Variants in RBPMS observed in about 807,000 individuals in gnomAD.
RBPMS encodes the protein RNA binding protein, mRNA processing factor, also known as RNA-binding protein with multiple splicing.
Under a neutral mutation model 26.8 loss-of-function variants are expected in RBPMS, and 7 were observed. That is an observed-to-expected ratio of 0.26 (90% CI 0.15 to 0.49). The LOEUF is 0.49. Ranked by LOEUF, RBPMS falls within the 20% of genes least tolerant of loss-of-function variation. The probability of loss-of-function intolerance (pLI) is 0.98; values close to 1 mark genes in which losing one functional copy is unlikely to be tolerated. For synonymous variants in RBPMS, 96 were observed against 93.3 expected, an observed-to-expected ratio of 1.03 and a Z score of -0.17; for missense variants, 186 against 250.0, an observed-to-expected ratio of 0.74 and a Z score of 1.73.
At chr8:30,505,416 A>C (rs1304305544) in intron 5 of RBPMS, among the ~76,000 whole-genome samples, 1 of 152,206 alleles carries the variant, frequency 6.6e-6, no homozygotes, top group Non-Finnish European at 1.5e-5. Context: ...TGTCAGATTT[A>C]ATCAGGTTAT....
chr8:30,569,610 G>C (rs897259481), intron 8 of RBPMS, among the ~76,000 whole-genome samples: 1 of 152,180 alleles, frequency 6.6e-6, no homozygotes, highest in African/African-American at 2.4e-5. Context: ...CAGGGGTGGA[G>C]AGTGATTTAG....
intron 4 of RBPMS, among the ~76,000 whole-genome samples, chr8:30,490,377 G>C (rs1171033272): frequency 1.3e-5 from 2 of 152,062 alleles, no homozygotes; most frequent in African/African-American, 4.8e-5. Context: ...TTGAATCTCT[G>C]TTTCGAAGAC....
At chr8:30,420,294 T>C (rs1032946829) in intron 1 of RBPMS, among the ~76,000 whole-genome samples, 17 of 152,068 alleles carry the variant, frequency 1.1e-4, no homozygotes, top group African/African-American at 3.9e-4. Flanking sequence ...TGGATAGATA[T>C]TGTAAAGTCT....
intron 4 of RBPMS, among the ~76,000 whole-genome samples, chr8:30,481,537 C>T (rs989105631): frequency 6.6e-6 from 1 of 151,916 alleles, no homozygotes; most frequent in African/African-American, 2.4e-5. Context: ...TTGCACTAGG[C>T]TCTCCATTCT....
At chr8:30,464,934 T>C (rs1816334882) in intron 1 of RBPMS, among the ~76,000 whole-genome samples, 1 of 152,244 alleles carries the variant, frequency 6.6e-6, no homozygotes, top group East Asian at 1.9e-4. Flanking sequence ...AATGCAACTT[T>C]ATGTTCATAA....
chr8:30,558,795 CAGT>C (rs1827201348), intron 6 of RBPMS, 89 bp from the exon 7 acceptor site: 1 of 1,047,644 alleles, frequency 9.5e-7, no homozygotes, highest in Non-Finnish European at 1.5e-6. Context: ...CATCTTGGAA[CAGT>C]AGGGAAGTGG....
chr8:30,413,493 A>G (rs1809691432), intron 1 of RBPMS, among the ~76,000 whole-genome samples: 1 of 152,222 alleles, frequency 6.6e-6, no homozygotes, highest in Non-Finnish European at 1.5e-5. Flanking sequence ...AGAGAGAATG[A>G]TAGCTACTCT....
At chr8:30,471,851 G>A (rs1226469735) in intron 1 of RBPMS, among the ~76,000 whole-genome samples, 2 of 152,122 alleles carry the variant, frequency 1.3e-5, no homozygotes, top group East Asian at 1.9e-4. Flanking sequence ...TGGGGGTAGT[G>A]GAAATGAGGA....
chr8:30,426,053 C>T (rs1171929941), intron 1 of RBPMS, among the ~76,000 whole-genome samples: 1 of 152,168 alleles, frequency 6.6e-6, no homozygotes, highest in African/African-American at 2.4e-5. Flanking sequence ...TGAAAAGTTA[C>T]TTACAGTCCC....
chr8:30,525,579 C>G (rs1823493412), intron 5 of RBPMS, among the ~76,000 whole-genome samples: 1 of 152,180 alleles, frequency 6.6e-6, no homozygotes, highest in South Asian at 2.1e-4. Flanking sequence ...AAAAGTGAGA[C>G]TTTATACTGA....
chr8:30,484,618 TAA>T (rs1230176477), intron 4 of RBPMS, among the ~76,000 whole-genome samples: 2 of 152,170 alleles, frequency 1.3e-5, no homozygotes, highest in Non-Finnish European at 2.9e-5. Flanking sequence ...TAAAAATATA[TAA>T]GATATTAAAT....
At chr8:30,565,950 T>A (rs933457114) in intron 7 of RBPMS, 1 of 152,364 alleles carries the variant, frequency 6.6e-6, no homozygotes, top group East Asian at 1.9e-4. Context: ...AGCCTCCTAA[T>A]GCGCCCTCAG....
chr8:30,519,797 C>G (rs1822841988), intron 5 of RBPMS, among the ~76,000 whole-genome samples: 1 of 152,078 alleles, frequency 6.6e-6, no homozygotes, highest in Non-Finnish European at 1.5e-5. Context: ...CTGGCCGGAT[C>G]TCTCTTTTTT....
intron 7 of RBPMS, among the ~76,000 whole-genome samples, chr8:30,563,788 C>G (rs1827688458): frequency 6.6e-6 from 1 of 152,144 alleles, no homozygotes; most frequent in South Asian, 2.1e-4. Flanking sequence ...ACTGGGGCTC[C>G]AGAGGCCCAG....
intron 1 of RBPMS, among the ~76,000 whole-genome samples, chr8:30,413,180 G>A (rs541616980): frequency 2.0e-5 from 3 of 152,140 alleles, no homozygotes; most frequent in Non-Finnish European, 4.4e-5. Context: ...TCAGGTTCAA[G>A]TGATTCTCCT....
intron 5 of RBPMS, among the ~76,000 whole-genome samples, chr8:30,519,454 CTCTCTTT>C (rs1822770306): frequency 8.1e-6 from 1 of 123,480 alleles, no homozygotes; most frequent in African/African-American, 3.3e-5. Context: ...GGGAGGATCT[CTCTCTTT>C]TTTTTTTTTT....
At chr8:30,499,890 G>C (rs1005484421) in intron 4 of RBPMS, among the ~76,000 whole-genome samples, 16 of 122,140 alleles carry the variant, frequency 1.3e-4, no homozygotes, top group East Asian at 1.2e-3. Context: ...GTGTGTGTGT[G>C]TGTGTGTGTG....
At chr8:30,385,205 G>A in intron 1 of RBPMS, 47 bp downstream of exon 1, 1 of 1,359,028 alleles carries the variant, frequency 7.4e-7, no homozygotes. Context: ...GGGACCCAGT[G>A]CGGGCGGCCG....
At chr8:30,534,153 A>G (rs1264952451) in intron 5 of RBPMS, among the ~76,000 whole-genome samples, 1 of 151,794 alleles carries the variant, frequency 6.6e-6, no homozygotes, top group Non-Finnish European at 1.5e-5. Context: ...TTGTTTTTGT[A>G]CTCTGACTTC....
Sources: gnomAD v4.1 joint callset for allele counts (sites outside exome capture counted in the v4.1 genomes callset) on GRCh38, gnomAD v4.1.1 for gene constraint, MANE v1.5 for transcripts, NCBI Gene and HGNC (gene_info 2026-07-23, HGNC 2026-07-21) for gene names.